Variants in USP21 observed in about 807,000 individuals in gnomAD.
USP21 encodes the protein ubiquitin specific peptidase 21.
Under a neutral mutation model 70.8 loss-of-function variants are expected in USP21, and 37 were observed. The ratio of observed to expected loss-of-function variants is 0.52; its 90% CI spans 0.40 to 0.69. The LOEUF (loss-of-function observed/expected upper bound fraction) is 0.69, where lower values mean the gene tolerates loss of function less well. USP21 is among the 30% of genes least tolerant of loss of function. The probability of loss-of-function intolerance (pLI) is 0.00; values close to 1 mark genes in which losing one functional copy is unlikely to be tolerated. For synonymous variants in USP21, 263 were observed against 283.1 expected (o/e 0.93, Z 0.71); for missense variants, 584 against 740.8 (o/e 0.79, Z 2.46).
In USP21 at chr1:161,160,387, AT is replaced by A. The variant is rs1314708972; in HGVS notation, c.-139del. ...CCAGGTACTGGGGATACGATGGCTG[AT>A]TCGATAGATCTGGTTCCTGCCCTCA... On this transcript the variant is annotated 5_prime_UTR_variant, in exon 2 of 14. The change creates a premature stop within an existing upstream ORF in the 5' untranslated region. Coordinates refer to ENST00000368002, the MANE Select transcript of USP21 (RefSeq NM_001014443.3). 1.6e-5 allele frequency: 9 copies of A among 565,196 alleles called. No individual in the cohort carries two copies. The highest frequency in any genetic ancestry group is 2.9e-5 in the Non-Finnish European group (9 of 309,734). 35.0% of individuals were successfully genotyped at this position (565,196 alleles called of 1,614,324 possible).
Position 161,164,370 on chromosome 1 carries a change from G to C in USP21, c.1305+120G>C. The C allele has an allele frequency of 7.5e-7, 1 of 1,330,456 alleles. No individual in the cohort carries two copies. The highest frequency in any genetic ancestry group is 1.1e-6 in the Non-Finnish European group (1 of 934,996). The allele number at this position is 1,330,456 out of a possible 1,614,324, so 82.4% of individuals were successfully genotyped here. ...ATAATATTTATGTATCTGGGTTTGT[G>C]TTGGAGTCTCAGATCTGTTCTAGTA... On this transcript the variant is annotated intron_variant, in intron 10 of 13. Coordinates refer to ENST00000368002, the MANE Select transcript of USP21 (RefSeq NM_001014443.3). The surrounding 1 kb of genome is among the most constrained non-coding windows in gnomAD (Gnocchi z 4.2).
In USP21 at chr1:161,165,378, C is replaced by A. The variant is rs1432237905; in HGVS notation, c.1629C>A (p.Asn543Lys). ...CTAGTGTCTCCCCTGTCAGTGAAAA[C>A]CAGGTGGCATCCAGCGAGGGCTACG... ...NDSRVSPVSENQVASSEGYVL... is the reference protein window; with the variant it reads ...NDSRVSPVSEKQVASSEGYVL... The change falls in exon 14 of 14, where the codon AAC (asparagine) becomes AAA (lysine). Residue 543 changes from asparagine to lysine, a missense_variant. Transcript: ENST00000368002. 6.2e-7 allele frequency: 1 copy of A among 1,614,114 alleles called. No individual in the cohort carries two copies. The highest frequency in any genetic ancestry group is 1.1e-5 in the South Asian group (1 of 91,080).
In USP21 at chr1:161,165,105, C is replaced by G. The variant is rs1469273472; in HGVS notation, c.1569C>G (p.Cys523Trp). ...SVHYGHYTALCRCQTGWHVYN... is the reference protein window; with the variant it reads ...SVHYGHYTALWRCQTGWHVYN... ...ACTATGGCCACTACACAGCCCTGTGCCGGTGCCAGACTGGTTGGCATGTCT... is the reference window on the plus strand; with the variant it reads ...ACTATGGCCACTACACAGCCCTGTGGCGGTGCCAGACTGGTTGGCATGTCT... Residue 523 changes from cysteine to tryptophan, a missense_variant, in exon 13 of 14, where the codon TGC (cysteine) becomes TGG (tryptophan). Cys to Trp is a radical substitution (Grantham distance 215). Coordinates refer to ENST00000368002, the MANE Select transcript of USP21 (RefSeq NM_001014443.3). 1 of 1,613,880 alleles carries G rather than the reference C, an allele frequency of 6.2e-7. No individual in the cohort carries two copies. Among genetic ancestry groups the G allele is most frequent in the Non-Finnish European group, 8.5e-7 (1 of 1,180,012 alleles).
chr1:161,163,134 T>C (rs891733189), intron 7 of USP21, 60 bp downstream of exon 7: 28 of 1,520,882 alleles, frequency 1.8e-5, no homozygotes, highest in African/African-American at 4.2e-5. Context: ...TCACACTTCA[T>C]AGAACTAAAC....
In USP21 at chr1:161,162,160, A is replaced by G; in HGVS notation, c.660+63A>G. Reference sequence around the variant, plus strand: ...ATGTGAAATGGTGCTGGGGGTGGGGAAAACCCACGAGCTTGGGGAAGGCAT... The same window carrying G: ...ATGTGAAATGGTGCTGGGGGTGGGGGAAACCCACGAGCTTGGGGAAGGCAT... On this transcript the variant is annotated intron_variant, in intron 4 of 13. Coordinates refer to ENST00000368002, the MANE Select transcript of USP21 (RefSeq NM_001014443.3). The surrounding 1 kb of genome is among the most constrained non-coding windows in gnomAD (Gnocchi z 4.1). 6.2e-7 allele frequency: 1 copy of G among 1,612,982 alleles called. No homozygotes were observed. Among genetic ancestry groups the G allele is most frequent in the Non-Finnish European group, 8.5e-7 (1 of 1,179,008 alleles).
chr1:161,165,166 A>G (rs1217017384), intron 13 of USP21, 23 bp downstream of exon 13: 1 of 1,598,906 alleles, frequency 6.3e-7, no homozygotes, highest in Non-Finnish European at 8.6e-7. Context: ...TCCTATTTAC[A>G]TCCTGCCCCA....
chr1:161,160,450 G>A lies in USP21; in HGVS notation c.-78G>A. On this transcript the variant is annotated 5_prime_UTR_variant, in exon 2 of 14. The change creates a new upstream start codon in the 5' untranslated region. Coordinates refer to ENST00000368002, the MANE Select transcript of USP21 (RefSeq NM_001014443.3). ...GCTCCCCACTTTCGTTGATGTGGTA[G>A]TGGTGATGACTGAGCCAACCACCTA... is the stretch of plus-strand genomic sequence containing the variant. The A allele has an allele frequency of 1.4e-6, 1 of 704,958 alleles. No homozygotes were observed. The highest frequency in any genetic ancestry group is 2.5e-5 in the Admixed American group (1 of 39,924). The allele number at this position is 704,958 out of a possible 1,614,324, so 43.7% of individuals were successfully genotyped here. A position where few individuals can be genotyped will look rare whatever the true frequency, so the allele number is the denominator to read the frequency against.
Position 161,160,907 on chromosome 1 carries a change from C to T in USP21, c.267C>T (p.Pro89=). 6.2e-7 allele frequency: 1 copy of T among 1,614,252 alleles called. No individual in the cohort carries two copies. Among genetic ancestry groups the T allele is most frequent in the South Asian group, 1.1e-5 (1 of 91,088 alleles). ...RGPLRADHGV[P]LPGSPPPTVA... ...CCCTTCGAGCAGATCATGGGGTTCC[C>T]CTGCCTGGCTCACCACCCCCAACAG... Residue 89 remains proline (P), a synonymous_variant, in exon 3 of 14, where the codon CCC becomes CCT. Transcript: ENST00000368002.
chr1:161,163,247 A>G (rs565776754), intron 7 of USP21, among the ~76,000 whole-genome samples, 173 bp downstream of exon 7: 38 of 152,322 alleles, frequency 2.5e-4, no homozygotes, highest in Admixed American at 8.5e-4. Flanking sequence ...GGGGGAGTCT[A>G]AGGGAGCAGA....
rs375288621 is a variant in USP21, at chr1:161,161,091, T to G, written c.451T>G (p.Leu151Val). 1 of 1,614,226 alleles carries G rather than the reference T, an allele frequency of 6.2e-7. No individual in the cohort carries two copies. The highest frequency in any genetic ancestry group is 8.5e-7 in the Non-Finnish European group (1 of 1,180,036). ...GGCCCTCCGGCCTGAGCCACCCACT[T>G]TGAGACGTAGCACTTCTCTCCGCCG... is the stretch of plus-strand genomic sequence containing the variant. ...RLALRPEPPT[L>V]RRSTSLRRLG... The change falls in exon 3 of 14, where the codon TTG becomes GTG. Residue 151 changes from leucine to valine, a missense_variant. Coordinates refer to ENST00000368002, the MANE Select transcript of USP21 (RefSeq NM_001014443.3). This position sits in a 1 kb window ranked among gnomAD's most constrained non-coding sequence, Gnocchi z 4.2.
chr1:161,160,678 G>A lies in USP21; in HGVS notation c.38G>A (p.Arg13Gln), dbSNP rs116557343. 49 of 1,614,094 alleles carry A rather than the reference G, an allele frequency of 3.0e-5. 1 individual carries two copies. Among genetic ancestry groups the A allele is most frequent in the Middle Eastern group, 3.3e-4 (2 of 6,062 alleles). The change falls in exon 3 of 14, where the codon CGA becomes CAA. Residue 13 changes from arginine to glutamine, a missense_variant. Physicochemically the swap from Arg to Gln is conservative, Grantham distance 43. Transcript: ENST00000368002. ...TCTGAGCACCGCCTGGGCCGTACCC[G>A]AGAGCCACCTGTTAATATCCAGCCC... ...QASEHRLGRTREPPVNIQPRV... is the reference protein window; with the variant it reads ...QASEHRLGRTQEPPVNIQPRV...
Position 161,164,929 on chromosome 1 carries a change from C to T in USP21, c.1479C>T (p.Ala493=). The T allele has an allele frequency of 1.2e-6, 2 of 1,613,932 alleles. No homozygotes were observed. The highest frequency in any genetic ancestry group is 3.3e-5 in the Admixed American group (2 of 60,008). The part of the protein sequence containing the change: ...PLQRLSLGDF[A]SDKAGSPVYQ... ...AGCGACTGAGCCTAGGGGACTTTGCCAGTGACAAAGCCGGTGAGTCTGGTG... is the reference window on the plus strand; with the variant it reads ...AGCGACTGAGCCTAGGGGACTTTGCTAGTGACAAAGCCGGTGAGTCTGGTG... The change falls in exon 12 of 14, where the codon GCC becomes GCT. Residue 493 remains alanine (A), a synonymous_variant. Coordinates refer to ENST00000368002, the MANE Select transcript of USP21 (RefSeq NM_001014443.3). This position sits in a 1 kb window ranked among gnomAD's most constrained non-coding sequence, Gnocchi z 4.2.
In USP21 at chr1:161,161,780, G is replaced by C; in HGVS notation, c.601-258G>C. ...GGGGAGTTGCCCCAGGAGCTGCAAC[G>C]TCAGCTAGCTGAGCAGAGGAGTAAG... On this transcript the variant is annotated intron_variant, in intron 3 of 13. Transcript: ENST00000368002. This position sits in a 1 kb window ranked among gnomAD's most constrained non-coding sequence, Gnocchi z 4.2. The C allele has an allele frequency of 5.7e-6, 3 of 530,672 alleles. No homozygotes were observed. Among genetic ancestry groups the C allele is most frequent in the South Asian group, 4.8e-5 (2 of 41,946 alleles). The allele number at this position is 530,672 out of a possible 1,614,324, so 32.9% of individuals were successfully genotyped here. A position where few individuals can be genotyped will look rare whatever the true frequency, so the allele number is the denominator to read the frequency against.
At position 161,164,194 on chromosome 1, in the gene USP21, C is replaced by T. The variant is rs866698810; in HGVS notation, c.1249C>T (p.Arg417Trp). The T allele has an allele frequency of 1.1e-5, 18 of 1,614,174 alleles. No homozygotes were observed. Among genetic ancestry groups the T allele is most frequent in the East Asian group, 2.2e-5 (1 of 44,884 alleles). Residue 417 changes from arginine to tryptophan, a missense_variant, in exon 10 of 14, where the codon CGG (arginine) becomes TGG (tryptophan). Around this residue, in one of 4 missense-constraint regions of USP21, gnomAD observed 173 missense variants for 268.2 expected, o/e 0.65. Transcript: ENST00000368002. This position sits in a 1 kb window ranked among gnomAD's most constrained non-coding sequence, Gnocchi z 4.2. ...ATTTGCTGGGGGCAAGGTGTCTCTG[C>T]GGGATTGTTTCAACCTTTTCACTAA... ...KGFAGGKVSL[R>W]DCFNLFTKEE...
chr1:161,165,295 T>G, intron 13 of USP21, 62 bp from the exon 14 acceptor site: 1 of 1,529,302 alleles, frequency 6.5e-7, no homozygotes, highest in Non-Finnish European at 9.1e-7. Context: ...GGTTCGGTCT[T>G]GTAGGGAGAA....
chr1:161,165,537 T>G lies in USP21; in HGVS notation c.*90T>G. 2.6e-6 allele frequency: 1 copy of G among 390,822 alleles called. No individual in the cohort carries two copies. The highest frequency in any genetic ancestry group is 4.6e-6 in the Non-Finnish European group (1 of 218,910). The allele number at this position is 390,822 out of a possible 1,614,324, so 24.2% of individuals were successfully genotyped here. A position where few individuals can be genotyped will look rare whatever the true frequency, so the allele number is the denominator to read the frequency against. On this transcript the variant is annotated 3_prime_UTR_variant, in exon 14 of 14. Transcript: ENST00000368002. ...CCTCAGAGACGTCTATTTTTGTGTC[T>G]TTTTAATCGGGGAGGGGGGAGGGGG... is the stretch of plus-strand genomic sequence containing the variant.
In USP21 at chr1:161,165,547, G is replaced by T; in HGVS notation, c.*100G>T. The T allele has an allele frequency of 2.4e-6, 1 of 425,456 alleles. No individual in the cohort carries two copies. 26.4% of individuals were successfully genotyped at this position (425,456 alleles called of 1,614,324 possible). On this transcript the variant is annotated 3_prime_UTR_variant, in exon 14 of 14. Transcript: ENST00000368002. ...GTCTATTTTTGTGTCTTTTTAATCG[G>T]GGAGGGGGGAGGGGGTGGTTGTAGC...
chr1:161,163,521 A>G (rs1658116868), intron 7 of USP21, 34 bp from the exon 8 acceptor site: 1 of 1,607,886 alleles, frequency 6.2e-7, no homozygotes. Flanking sequence ...CTGCTGTCTC[A>G]TGGGTGCTCC....
intron 13 of USP21, 73 bp downstream of exon 13, chr1:161,165,216 CCAGGAGAGCAGAGTGCCAGGTGA>C: frequency 6.7e-7 from 1 of 1,484,018 alleles, no homozygotes; most frequent in Non-Finnish European, 9.4e-7. Flanking sequence ...CTATGAAGCT[CCAGGAGAGCAGAGTGCCAGGTGA>C]AAGGAGAGGT....
Sources: allele counts gnomAD v4.1 joint callset (sites outside exome capture counted in the v4.1 genomes callset), GRCh38; gene constraint gnomAD v4.1.1; regional missense constraint gnomAD v4.1.1; non-coding constraint Gnocchi (gnomAD v3.1); transcripts MANE v1.5; gene names NCBI Gene and HGNC (gene_info 2026-07-23, HGNC 2026-07-21).